The following GRID1 variants were observed in gnomAD, a reference collection of about 807,000 sequenced individuals.
The protein encoded by GRID1 is glutamate receptor ionotropic, delta-1.
Under a neutral mutation model 98.0 loss-of-function variants are expected in GRID1, and 28 were observed. The observed-to-expected ratio is 0.29, with a 90% CI of 0.21 to 0.39. The LOEUF is 0.39. GRID1 is among the 10% of genes least tolerant of loss of function. GRID1 has a pLI of 1.00. For synonymous variants in GRID1, 553 were observed against 538.5 expected (o/e 1.03, Z -0.37); for missense variants, 1,111 against 1,340.5 (o/e 0.83, Z 2.67).
chr10:86,336,573 C>T (rs945416327), intron 2 of GRID1, among the ~76,000 whole-genome samples: 1 of 152,220 alleles, frequency 6.6e-6, no homozygotes, highest in Non-Finnish European at 1.5e-5. Context: ...CCACACCTCC[C>T]CATACCCCTG....
At chr10:86,083,415 G>A (rs934898671) in intron 4 of GRID1, among the ~76,000 whole-genome samples, 14 of 152,182 alleles carry the variant, frequency 9.2e-5, no homozygotes, top group African/African-American at 3.1e-4. Flanking sequence ...GAAGTGCATG[G>A]TGGTTTTGCA....
At chr10:85,805,304 T>C (rs1842613659) in intron 8 of GRID1, among the ~76,000 whole-genome samples, 1 of 151,654 alleles carries the variant, frequency 6.6e-6, no homozygotes, top group African/African-American at 2.4e-5. Context: ...ATAAGATATA[T>C]GCAAGGGCTG....
intron 8 of GRID1, among the ~76,000 whole-genome samples, chr10:85,814,312 T>C (rs1377724680): frequency 6.6e-6 from 1 of 151,924 alleles, no homozygotes; most frequent in Non-Finnish European, 1.5e-5. Context: ...GGGAAATGTG[T>C]AGAATTAAAT....
chr10:86,319,818 C>T (rs1372766306), intron 2 of GRID1, among the ~76,000 whole-genome samples: 1 of 152,188 alleles, frequency 6.6e-6, no homozygotes, highest in Admixed American at 6.5e-5. Context: ...GCCCCTCCTC[C>T]TCTCCTCCTT....
intron 6 of GRID1, among the ~76,000 whole-genome samples, chr10:85,856,692 T>C (rs987676622): frequency 3.3e-5 from 5 of 152,232 alleles, no homozygotes; most frequent in African/African-American, 1.2e-4. Context: ...TGCTCAACCC[T>C]ACTGTTATAA....
At chr10:86,145,845 T>G (rs1312343478) in intron 3 of GRID1, among the ~76,000 whole-genome samples, 1 of 152,198 alleles carries the variant, frequency 6.6e-6, no homozygotes, top group Non-Finnish European at 1.5e-5. Context: ...GGAATCAAGT[T>G]GAACCACAGC....
At chr10:85,774,352 G>C (rs1842306900) in intron 8 of GRID1, among the ~76,000 whole-genome samples, 1 of 152,088 alleles carries the variant, frequency 6.6e-6, no homozygotes, top group South Asian at 2.1e-4. Flanking sequence ...TTAAATGTTA[G>C]ACCTAAAACC....
intron 13 of GRID1, among the ~76,000 whole-genome samples, chr10:85,642,663 C>T (rs1447484154): frequency 2.0e-5 from 3 of 152,200 alleles, no homozygotes; most frequent in African/African-American, 4.8e-5. Flanking sequence ...TAAAAATTCC[C>T]TCCTGTTCCA....
intron 4 of GRID1, among the ~76,000 whole-genome samples, chr10:86,006,028 T>C (rs1403809765): frequency 6.6e-6 from 1 of 152,216 alleles, no homozygotes; most frequent in African/African-American, 2.4e-5. Flanking sequence ...GAATAGCCAG[T>C]ACACTTCTGA....
In GRID1 at chr10:86,206,302, T is replaced by C; in HGVS notation, c.520+62A>G. 6.6e-7 allele frequency: 1 copy of C among 1,509,570 alleles called. No homozygotes were observed. The allele number at this position is 1,509,570 out of a possible 1,614,324, so 93.5% of individuals were successfully genotyped here. A position where few individuals can be genotyped will look rare whatever the true frequency, so the allele number is the denominator to read the frequency against. On this transcript the variant is annotated intron_variant, in intron 3 of 15. Transcript: ENST00000327946. This position sits in a 1 kb window ranked among gnomAD's most constrained non-coding sequence, Gnocchi z 4.1. Reference sequence around the variant, plus strand: ...GTCCAGGGCCCCACCCACTCTCAGGTCTCCCAGCATCTGGCCATCCCTGTC... The same window carrying C: ...GTCCAGGGCCCCACCCACTCTCAGGCCTCCCAGCATCTGGCCATCCCTGTC...
At chr10:86,284,318 C>T (rs147780216) in intron 2 of GRID1, among the ~76,000 whole-genome samples, 1 of 152,272 alleles carries the variant, frequency 6.6e-6, no homozygotes, top group East Asian at 1.9e-4. Flanking sequence ...ACACAGCCCA[C>T]CCTTGTCTGG....
intron 8 of GRID1, among the ~76,000 whole-genome samples, chr10:85,813,974 GTAAA>G (rs1313886443): frequency 6.6e-6 from 1 of 151,214 alleles, no homozygotes; most frequent in East Asian, 1.9e-4. Flanking sequence ...TACCCAAAAT[GTAAA>G]TAAATAAAAT....
intron 4 of GRID1, among the ~76,000 whole-genome samples, chr10:86,066,936 C>T (rs368515774): frequency 1.1e-3 from 161 of 152,230 alleles, no homozygotes; most frequent in East Asian, 1.2e-3. Context: ...GGGCTTTCCG[C>T]GGGCCACTGT....
At chr10:85,994,949 ACTGC>A (rs1842723232) in intron 4 of GRID1, among the ~76,000 whole-genome samples, 1 of 152,242 alleles carries the variant, frequency 6.6e-6, no homozygotes, top group African/African-American at 2.4e-5. Flanking sequence ...GGCTGAAACA[ACTGC>A]AAATGTAAAA....
At chr10:85,908,657 C>T (rs1282282704) in intron 5 of GRID1, among the ~76,000 whole-genome samples, 1 of 152,180 alleles carries the variant, frequency 6.6e-6, no homozygotes, top group African/African-American at 2.4e-5. Context: ...AAATCCCAGT[C>T]AGCTTTTTTT....
intron 4 of GRID1, among the ~76,000 whole-genome samples, chr10:86,039,501 G>T (rs1364825254): frequency 3.3e-5 from 5 of 152,190 alleles, no homozygotes; most frequent in African/African-American, 1.2e-4. Context: ...TTAAAAAGCT[G>T]TTGTCCTTTT....
At chr10:85,664,031 G>T (rs959082921) in intron 12 of GRID1, among the ~76,000 whole-genome samples, 1 of 152,112 alleles carries the variant, frequency 6.6e-6, no homozygotes, top group African/African-American at 2.4e-5. Context: ...CATTCCTGGC[G>T]CCATGCTTCT....
chr10:86,212,595 C>A (rs1236814987), intron 2 of GRID1, among the ~76,000 whole-genome samples: 1 of 152,226 alleles, frequency 6.6e-6, no homozygotes, highest in Non-Finnish European at 1.5e-5. Context: ...TCTGCCGCCC[C>A]CAAGGCTGCT....
intron 2 of GRID1, among the ~76,000 whole-genome samples, chr10:86,269,766 C>A (rs147160099): frequency 6.6e-6 from 1 of 152,168 alleles, no homozygotes; most frequent in African/African-American, 2.4e-5. Context: ...ATCCTGTTTG[C>A]TTTTTTGCTT....
Sources: allele counts gnomAD v4.1 joint callset (sites outside exome capture counted in the v4.1 genomes callset), GRCh38; gene constraint gnomAD v4.1.1; non-coding constraint Gnocchi (gnomAD v3.1); transcripts MANE v1.5; gene names NCBI Gene and HGNC (gene_info 2026-07-23, HGNC 2026-07-21).